APBB2: variants seen among roughly 807,000 people sequenced by gnomAD.
APBB2 encodes the protein amyloid beta precursor protein binding family B member 2, also known as Fe65-like 1.
A neutral mutation model predicts 82.5 loss-of-function variants in APBB2; 38 were observed. The observed-to-expected ratio is 0.46, with a 90% confidence interval of 0.36 to 0.60. APBB2 has a LOEUF of 0.60. Among genes scored for constraint, APBB2 ranks in the 20% least tolerant of loss-of-function variants. The pLI is 0.00. For synonymous variants in APBB2, 341 were observed against 368.2 expected, an observed-to-expected ratio of 0.93 and a Z score of 0.85; for missense variants, 772 against 972.3, an observed-to-expected ratio of 0.79 and a Z score of 2.74.
chr4:41,211,324 A>G (rs984716191), intron 1 of APBB2, among the ~76,000 whole-genome samples: 11 of 152,102 alleles, frequency 7.2e-5, no homozygotes, highest in Admixed American at 3.9e-4. Context: ...ATGTAGGAAA[A>G]TAAGTATTCC....
chr4:40,903,462 G>A (rs146503714), intron 10 of APBB2, among the ~76,000 whole-genome samples: 254 of 152,130 alleles, frequency 1.7e-3, no homozygotes, highest in African/African-American at 5.4e-3. Flanking sequence ...GTGAGACTCC[G>A]TCTCAAAAAA....
chr4:40,863,819 G>A (rs931589384), intron 12 of APBB2, among the ~76,000 whole-genome samples: 8 of 144,408 alleles, frequency 5.5e-5, no homozygotes, highest in Admixed American at 5.1e-4. Context: ...ACTTGAACCC[G>A]AAAGGCAGAG....
intron 1 of APBB2, among the ~76,000 whole-genome samples, chr4:41,149,606 T>TTTTTTTGC (rs1761709381): frequency 6.6e-6 from 1 of 152,158 alleles, no homozygotes; most frequent in Non-Finnish European, 1.5e-5. Context: ...AAAGAATGAA[T>TTTTTTTGC]ATCTGGGTAA....
At chr4:40,846,022 GTGTGTGTGTGT>G in intron 12 of APBB2, among the ~76,000 whole-genome samples, 1 of 15,062 alleles carries the variant, frequency 6.6e-5, no homozygotes, top group South Asian at 1.1e-3. Flanking sequence ...TGGGGTGTGT[GTGTGTGTGTGT>G]GTGTGTGTGT....
intron 4 of APBB2, among the ~76,000 whole-genome samples, chr4:41,034,347 C>T (rs532143805): frequency 5.3e-5 from 8 of 152,142 alleles, no homozygotes; most frequent in South Asian, 4.2e-4. Flanking sequence ...TTTTTTGCAA[C>T]GGAGTCTGGC....
At chr4:40,945,213 C>G in intron 6 of APBB2, 140 bp from the exon 7 acceptor site, 1 of 668,642 alleles carries the variant, frequency 1.5e-6, no homozygotes, top group Non-Finnish European at 2.6e-6. Context: ...TTTGTGAAAT[C>G]CATCCATACT....
intron 5 of APBB2, among the ~76,000 whole-genome samples, chr4:41,020,687 T>G (rs1237714522): frequency 6.6e-6 from 1 of 152,240 alleles, no homozygotes; most frequent in African/African-American, 2.4e-5. Flanking sequence ...AAGTAAAGTT[T>G]GCTAAAAGTT....
chr4:40,934,104 C>T (rs1784846689), intron 10 of APBB2, among the ~76,000 whole-genome samples: 1 of 152,240 alleles, frequency 6.6e-6, no homozygotes, highest in South Asian at 2.1e-4. Context: ...AGGGGTCTCA[C>T]ACCCTACCTG....
At chr4:40,860,644 T>A (rs1762532713) in intron 12 of APBB2, among the ~76,000 whole-genome samples, 1 of 152,150 alleles carries the variant, frequency 6.6e-6, no homozygotes, top group Non-Finnish European at 1.5e-5. Context: ...TCTAGCAAAT[T>A]ATCAAACCTG....
intron 2 of APBB2, among the ~76,000 whole-genome samples, chr4:41,120,816 A>G (rs937988835): frequency 1.1e-4 from 16 of 152,222 alleles, no homozygotes; most frequent in African/African-American, 3.1e-4. Flanking sequence ...TGTTAGTAGA[A>G]CCTTTGATTC....
chr4:40,907,513 GGTGT>G (rs1210194544), intron 10 of APBB2, among the ~76,000 whole-genome samples: 1 of 150,620 alleles, frequency 6.6e-6, no homozygotes, highest in Non-Finnish European at 1.5e-5. Flanking sequence ...TGGGATTACA[GGTGT>G]GTGCTACCAA....
In APBB2 at chr4:41,049,504, G is replaced by A. The variant is rs1272803841; in HGVS notation, c.-51+16072C>T. On this transcript the variant is annotated intron_variant, in intron 4 of 17. Coordinates refer to ENST00000508593, the MANE Select transcript of APBB2 (RefSeq NM_004307.2). The stretch of plus-strand genomic sequence containing the variant: ...CCGGCCAGCCGCCCCGTCCGGGAGG[G>A]AGGTGGGGGCCAGCCCCCGCCCGGC... Among the ~76,000 whole-genome samples, 156 of 145,988 alleles carry A rather than the reference G, an allele frequency of 1.1e-3. 4 individuals are homozygous for A. Among genetic ancestry groups the A allele is most frequent in the African/African-American group, 3.8e-3 (150 of 39,596 alleles).
At chr4:41,150,556 G>A (rs1180996519) in intron 1 of APBB2, among the ~76,000 whole-genome samples, 1 of 152,096 alleles carries the variant, frequency 6.6e-6, no homozygotes, top group Non-Finnish European at 1.5e-5. Context: ...CATTCCTCAA[G>A]GTCCAGCCCA....
intron 10 of APBB2, among the ~76,000 whole-genome samples, chr4:40,920,100 T>A (rs1447555985): frequency 2.0e-5 from 3 of 152,212 alleles, no homozygotes; most frequent in Non-Finnish European, 2.9e-5. Flanking sequence ...TCTTGAATTG[T>A]AGCTCCTATA....
chr4:40,836,753 T>C (rs1754092846), intron 12 of APBB2, among the ~76,000 whole-genome samples: 1 of 152,168 alleles, frequency 6.6e-6, no homozygotes, highest in African/African-American at 2.4e-5. Context: ...GACCTTGGCC[T>C]CCTGGACCCT....
chr4:40,970,463 C>T (rs540200831), intron 6 of APBB2, among the ~76,000 whole-genome samples: 65 of 152,192 alleles, frequency 4.3e-4, no homozygotes, highest in Non-Finnish European at 6.2e-4. Flanking sequence ...CCTCTCCCCA[C>T]TCCTCCTTTT....
intron 2 of APBB2, among the ~76,000 whole-genome samples, chr4:41,111,259 C>T (rs924514741): frequency 6.6e-6 from 1 of 152,244 alleles, no homozygotes; most frequent in African/African-American, 2.4e-5. Context: ...TAACAGACCA[C>T]AGAATGGTAC....
chr4:40,866,309 A>G (rs1212585896), intron 12 of APBB2, among the ~76,000 whole-genome samples: 2 of 152,112 alleles, frequency 1.3e-5, no homozygotes, highest in African/African-American at 4.8e-5. Context: ...ATTACAAAAT[A>G]GAAGCACTTT....
Position 40,815,783 on chromosome 4 carries a change from AG to A in APBB2, c.*308del. Reference sequence around the variant, plus strand: ...AAGGACGCAGCGTTAGTTCACTAGGAGGGGTGGGGCCACACTCTTCTCTGTG... The same window carrying A: ...AAGGACGCAGCGTTAGTTCACTAGGAGGGTGGGGCCACACTCTTCTCTGTG... On this transcript the variant is annotated 3_prime_UTR_variant, in exon 18 of 18. Coordinates refer to ENST00000508593, the MANE Select transcript of APBB2 (RefSeq NM_004307.2). 3.5e-6 allele frequency: 1 copy of A among 283,392 alleles called. No individual in the cohort carries two copies. The highest frequency in any genetic ancestry group is 6.4e-5 in the East Asian group (1 of 15,576). 17.6% of individuals were successfully genotyped at this position (283,392 alleles called of 1,614,324 possible). A position where few individuals can be genotyped will look rare whatever the true frequency, so the allele number is the denominator to read the frequency against.
Sources: gnomAD v4.1 joint callset for allele counts (sites outside exome capture counted in the v4.1 genomes callset) on GRCh38, gnomAD v4.1.1 for gene constraint, MANE v1.5 for transcripts, NCBI Gene and HGNC (gene_info 2026-07-23, HGNC 2026-07-21) for gene names.